KBTBD2: variants seen among roughly 807,000 people sequenced by gnomAD.
KBTBD2 encodes kelch repeat and BTB domain-containing protein 2.
Under a neutral mutation model 57.1 loss-of-function variants are expected in KBTBD2, and 17 were observed. That is an observed-to-expected ratio of 0.30 (90% CI 0.20 to 0.45). The LOEUF is 0.45. Among genes scored for constraint, KBTBD2 ranks in the 20% least tolerant of loss-of-function variants. KBTBD2 has a pLI of 1.00. For synonymous variants in KBTBD2, 267 were observed against 262.7 expected (o/e 1.02, Z -0.16); for missense variants, 515 against 750.6 (o/e 0.69, Z 3.67).
chr7:32,869,655 G>C lies in KBTBD2; in HGVS notation c.1562C>G (p.Ser521Cys), dbSNP rs141086182. The C allele has an allele frequency of 6.2e-7, 1 of 1,614,164 alleles. No individual in the cohort carries two copies. The highest frequency in any genetic ancestry group is 1.3e-5 in the African/African-American group (1 of 75,050). The part of the protein sequence containing the change: ...MAANIPAKRY[S>C]DPCVRAVVIS... Reference sequence around the variant, plus strand: ...CACAACAGCTCTAACACAGGGGTCAGAGTACCTCTTAGCAGGGATGTTGGC... The same window carrying C: ...CACAACAGCTCTAACACAGGGGTCACAGTACCTCTTAGCAGGGATGTTGGC... The change falls in exon 4 of 4, where the codon TCT becomes TGT. Residue 521 changes from serine (S) to cysteine (C), a missense_variant. Coordinates refer to ENST00000304056, the MANE Select transcript of KBTBD2 (RefSeq NM_015483.3).
rs1266896844 is a variant in KBTBD2, at chr7:32,869,007, A to T, written c.*338T>A. On this transcript the variant is annotated 3_prime_UTR_variant, in exon 4 of 4. Coordinates refer to ENST00000304056, the MANE Select transcript of KBTBD2 (RefSeq NM_015483.3). ...ATAACCTCAGCACAATTTGTGATAC[A>T]TCACACTAGGAACAGGAAACTACTT... 1.1e-5 allele frequency: 2 copies of T among 176,568 alleles called. No individual in the cohort carries two copies. The highest frequency in any genetic ancestry group is 2.4e-5 in the Non-Finnish European group (2 of 82,420). The allele number at this position is 176,568 out of a possible 1,614,324, so 10.9% of individuals were successfully genotyped here.
At chr7:32,877,252 C>T (rs569507821) in intron 2 of KBTBD2, among the ~76,000 whole-genome samples, 21 of 151,978 alleles carry the variant, frequency 1.4e-4, no homozygotes, top group Non-Finnish European at 2.4e-4. Context: ...CTCCTGACCT[C>T]GTGATCCGCC....
rs1554278251 is a variant in KBTBD2, at chr7:32,885,925, T to TA, written c.-339+5610dup. Among the ~76,000 whole-genome samples, 5 of 150,864 alleles carry TA rather than the reference T, an allele frequency of 3.3e-5. No homozygotes were observed. The East Asian group carries it at 7.7e-4, about 23-fold the overall frequency. ...GTCTACACACTTTTTTTTTTTTTTT[T>TA]AAAGACAGAGTCTCGCTCTGTCGCC... is the stretch of plus-strand genomic sequence containing the variant. On this transcript the variant is annotated intron_variant, in intron 1 of 3. Coordinates refer to ENST00000304056, the MANE Select transcript of KBTBD2 (RefSeq NM_015483.3).
chr7:32,870,023 G>C lies in KBTBD2; in HGVS notation c.1194C>G (p.Thr398=). 1 of 1,613,998 alleles carries C rather than the reference G, an allele frequency of 6.2e-7. No individual in the cohort carries two copies. Among genetic ancestry groups the C allele is most frequent in the Non-Finnish European group, 8.5e-7 (1 of 1,179,994 alleles). ...CTTTCTCAGTGTCGTATCTTTCTAC[G>C]GTCCTCCGATTAAGTTCTCCACCTA... ...DSVGGELNRR[T]VERYDTEKDE... is the part of the protein sequence containing the mutation. The change falls in exon 4 of 4, where the codon ACC becomes ACG. Residue 398 remains threonine, a synonymous_variant. Coordinates refer to ENST00000304056, the MANE Select transcript of KBTBD2 (RefSeq NM_015483.3).
chr7:32,872,701 A>G (rs1044825522), intron 3 of KBTBD2, among the ~76,000 whole-genome samples: 1 of 152,218 alleles, frequency 6.6e-6, no homozygotes, highest in Non-Finnish European at 1.5e-5. Context: ...CCCTAATTCA[A>G]AAATTCAAAA....
Position 32,875,177 on chromosome 7 carries a change from A to T in KBTBD2, c.171-20T>A. The T allele has an allele frequency of 6.2e-7, 1 of 1,609,200 alleles. No homozygotes were observed. Among genetic ancestry groups the T allele is most frequent in the Non-Finnish European group, 8.5e-7 (1 of 1,177,374 alleles). On this transcript the variant is annotated intron_variant, in intron 2 of 3. Coordinates refer to ENST00000304056, the MANE Select transcript of KBTBD2 (RefSeq NM_015483.3). Reference sequence around the variant, plus strand: ...ATGGCCCTACAGGGGAGATGAAGAAAACAAAGTTGTAAGGGTTTTGTGTAA... The same window carrying T: ...ATGGCCCTACAGGGGAGATGAAGAATACAAAGTTGTAAGGGTTTTGTGTAA...
chr7:32,875,502 C>T (rs1355007039), intron 2 of KBTBD2, among the ~76,000 whole-genome samples: 1 of 152,144 alleles, frequency 6.6e-6, no homozygotes, highest in Admixed American at 6.5e-5. Context: ...AACTCCTGAG[C>T]TCAAGCAATC....
rs555101998 is a variant in KBTBD2, at chr7:32,884,126, G to A, written c.-338-4184C>T. Among the ~76,000 whole-genome samples the A allele has an allele frequency of 9.2e-5, 14 of 152,300 alleles. No homozygotes were observed. The South Asian group carries it at 2.9e-3, about 32-fold the overall frequency. ...CTGGTGCTCAGCCCTACTACTAACA[G>A]TGGATCACACAGGAGGAAGGAAAAA... is the stretch of plus-strand genomic sequence containing the variant. On this transcript the variant is annotated intron_variant, in intron 1 of 3. Coordinates refer to ENST00000304056, the MANE Select transcript of KBTBD2 (RefSeq NM_015483.3).
intron 3 of KBTBD2, among the ~76,000 whole-genome samples, chr7:32,871,534 T>A (rs1325073078): frequency 6.6e-6 from 1 of 152,222 alleles, no homozygotes; most frequent in African/African-American, 2.4e-5. Flanking sequence ...TTATTCAGCA[T>A]CACAGTGATT....
chr7:32,870,563 G>A lies in KBTBD2; in HGVS notation c.654C>T (p.Ser218=), dbSNP rs1343373848. 4 of 1,614,100 alleles carry A rather than the reference G, an allele frequency of 2.5e-6. No homozygotes were observed. Among genetic ancestry groups the A allele is most frequent in the South Asian group, 2.2e-5 (2 of 91,078 alleles). Reference sequence around the variant, plus strand: ...CTGAAAGTGCATCAATTCTGATTTGGCTAAGAACAGAAGACAAATACTGGG... The same window carrying A: ...CTGAAAGTGCATCAATTCTGATTTGACTAAGAACAGAAGACAAATACTGGG... ...SRSQYLSSVL[S]QIRIDALSEV... is the part of the protein sequence containing the mutation. The change falls in exon 4 of 4, where the codon AGC becomes AGT. Residue 218 remains serine, a synonymous_variant. Coordinates refer to ENST00000304056, the MANE Select transcript of KBTBD2 (RefSeq NM_015483.3).
In KBTBD2 at chr7:32,870,065, T is replaced by C. The variant is rs1431181829; in HGVS notation, c.1152A>G (p.Ala384=). 1 of 1,614,204 alleles carries C rather than the reference T, an allele frequency of 6.2e-7. No individual in the cohort carries two copies. Among genetic ancestry groups the C allele is most frequent in the African/African-American group, 1.3e-5 (1 of 75,064 alleles). Residue 384 remains alanine, a synonymous_variant, in exon 4 of 4, where the codon GCA becomes GCG. Coordinates refer to ENST00000304056, the MANE Select transcript of KBTBD2 (RefSeq NM_015483.3). ...SLVCCEGYIY[A]IGGDSVGGEL... The stretch of plus-strand genomic sequence containing the variant: ...CTCCACCTACGCTATCTCCTCCAAT[T>C]GCATAGATATAGCCTTCACAGCAAA...
rs555705948 is a variant in KBTBD2 at position 32,888,415 on chromosome 7, A to G, written c.-339+3121T>C. On this transcript the variant is annotated intron_variant, in intron 1 of 3. Transcript: ENST00000304056. ...AGGAAGGACAAGAGATGGGTGCTAG[A>G]AACAGTTTGCTTTCAAGTTATCAAA... Among the ~76,000 whole-genome samples, 4 of 152,314 alleles carry G rather than the reference A, an allele frequency of 2.6e-5. No individual in the cohort carries two copies. In the East Asian group the frequency reaches 5.8e-4, roughly 22 times the overall value.
rs1784127893 is a variant in KBTBD2, at chr7:32,869,798, A to G, written c.1419T>C (p.Tyr473=). The change falls in exon 4 of 4, where the codon TAT becomes TAC. Residue 473 remains tyrosine (Y), a synonymous_variant. Coordinates refer to ENST00000304056, the MANE Select transcript of KBTBD2 (RefSeq NM_015483.3). ...SAAAFGDKIF[Y]IGGLHIATNS... is the part of the protein sequence containing the mutation. ...TGGTAGCAATATGCAACCCTCCAATATAGAAAATTTTATCACCAAAAGCTG... is the reference window on the plus strand; with the variant it reads ...TGGTAGCAATATGCAACCCTCCAATGTAGAAAATTTTATCACCAAAAGCTG... 1 of 1,613,976 alleles carries G rather than the reference A, an allele frequency of 6.2e-7. No homozygotes were observed. Among genetic ancestry groups the G allele is most frequent in the East Asian group, 2.2e-5 (1 of 44,868 alleles).
intron 3 of KBTBD2, among the ~76,000 whole-genome samples, chr7:32,872,661 C>T (rs920462482): frequency 6.6e-6 from 1 of 152,132 alleles, no homozygotes; most frequent in African/African-American, 2.4e-5. Flanking sequence ...GACAACAGAG[C>T]AAGACCCTGT....
chr7:32,887,611 G>A (rs1435719874), intron 1 of KBTBD2, among the ~76,000 whole-genome samples: 1 of 152,186 alleles, frequency 6.6e-6, no homozygotes, highest in Non-Finnish European at 1.5e-5. Context: ...CCTGTAGGAA[G>A]CACATTCAAA....
At chr7:32,888,788 A>T (rs1367636570) in intron 1 of KBTBD2, among the ~76,000 whole-genome samples, 1 of 152,036 alleles carries the variant, frequency 6.6e-6, no homozygotes, top group Non-Finnish European at 1.5e-5. Context: ...ATACTGATAG[A>T]TGACATGGCT....
chr7:32,879,476 A>G lies in KBTBD2; in HGVS notation c.129T>C (p.Pro43=). ...ATGTTGCAAGAACCATCTTATGACA[A>G]GGGAATTCAGTGCCCTCAACAATTA... ...IVLIVEGTEF[P]CHKMVLATCS... The change falls in exon 2 of 4, where the codon CCT becomes CCC. Residue 43 remains proline (P), a synonymous_variant. Transcript: ENST00000304056. The G allele has an allele frequency of 6.2e-7, 1 of 1,613,234 alleles. No homozygotes were observed. The highest frequency in any genetic ancestry group is 2.2e-5 in the East Asian group (1 of 44,812).
Position 32,871,920 on chromosome 7 carries a change from G to GA in KBTBD2, c.337-1041dup, listed in dbSNP as rs537818093. On this transcript the variant is annotated intron_variant, in intron 3 of 3. Coordinates refer to ENST00000304056, the MANE Select transcript of KBTBD2 (RefSeq NM_015483.3). ...GTATACGGTTTTCGTTAAAATGGCA[G>GA]AAAAAAAATGTTAAGGAGCAGTGTC... Among the ~76,000 whole-genome samples the GA allele has an allele frequency of 1.8e-4, 27 of 151,858 alleles. No individual in the cohort carries two copies. In the South Asian group the frequency reaches 2.1e-3, roughly 12 times the overall value.
chr7:32,887,126 A>G (rs532855136), intron 1 of KBTBD2, among the ~76,000 whole-genome samples: 151 of 152,330 alleles, frequency 9.9e-4, no homozygotes, highest in Non-Finnish European at 1.9e-3. Flanking sequence ...ATAGAGACTG[A>G]GGAACGAATA....
Sources: gnomAD v4.1 joint callset for allele counts (sites outside exome capture counted in the v4.1 genomes callset) on GRCh38, gnomAD v4.1.1 for gene constraint, MANE v1.5 for transcripts, NCBI Gene and HGNC (gene_info 2026-07-23, HGNC 2026-07-21) for gene names.